ZNF415: variants seen among roughly 807,000 people sequenced by gnomAD.
The protein encoded by ZNF415 is zinc finger protein 415.
ZNF415 carries 5 observed loss-of-function variants against 7.3 expected under a neutral mutation model. That is an observed-to-expected ratio of 0.69 (90% CI 0.36 to 1.44). The LOEUF (loss-of-function observed/expected upper bound fraction) is 1.44. Ranked by LOEUF, ZNF415 falls within the 40% of genes most tolerant of loss-of-function variation. The pLI, the probability that ZNF415 is intolerant of heterozygous loss-of-function variation, is 0.04. For missense variants in ZNF415, 628 were observed against 664.8 expected, an observed-to-expected ratio of 0.94 and a Z score of 0.61; for synonymous variants, 207 against 226.3, an observed-to-expected ratio of 0.91 and a Z score of 0.77.
At chr19:53,112,497 T>TCAA (rs1555781195) in intron 3 of ZNF415, among the ~76,000 whole-genome samples, 3 of 152,146 alleles carry the variant, frequency 2.0e-5, no homozygotes, top group African/African-American at 7.2e-5. Context: ...GGTATCTGAG[T>TCAA]CATCACTTCC....
chr19:53,112,739 G>A (rs1183583545), intron 3 of ZNF415, among the ~76,000 whole-genome samples: 1 of 152,242 alleles, frequency 6.6e-6, no homozygotes, highest in East Asian at 1.9e-4. Flanking sequence ...GGGCATGTCA[G>A]AGGAAAATCT....
At chr19:53,120,510 GGCTTGAC>G (rs2087825117) in intron 2 of ZNF415, among the ~76,000 whole-genome samples, 1 of 152,046 alleles carries the variant, frequency 6.6e-6, no homozygotes, top group Admixed American at 6.5e-5. Context: ...GAGGGTGTAA[GGCTTGAC>G]AGGAAAAGGG....
intron 2 of ZNF415, among the ~76,000 whole-genome samples, chr19:53,119,054 G>A (rs897891579): frequency 6.6e-6 from 1 of 152,086 alleles, no homozygotes; most frequent in Non-Finnish European, 1.5e-5. Context: ...GCCAAGGCGG[G>A]CGGATCACGA....
At chr19:53,122,341 A>T in intron 2 of ZNF415, 2 of 1,488,464 alleles carry the variant, frequency 1.3e-6, no homozygotes, top group Non-Finnish European at 1.8e-6. Context: ...CCGACAGTGC[A>T]TCCAAATGTG....
At position 53,113,968 on chromosome 19, in the gene ZNF415, C is replaced by T. The variant is rs192005569; in HGVS notation, c.136+2345G>A. On this transcript the variant is annotated intron_variant, in intron 3 of 3. Transcript: ENST00000243643. ...TTTGTATCTTATATCCTGAGCCATG[C>T]TGACAATTCTGCTGAACGCTTTAAG... is the stretch of plus-strand genomic sequence containing the variant. Among the ~76,000 whole-genome samples the T allele has an allele frequency of 1.5e-3, 226 of 152,346 alleles. 1 individual carries two copies. The highest frequency in any genetic ancestry group is 5.1e-3 in the African/African-American group (213 of 41,580).
At chr19:53,115,411 C>T (rs537731865) in intron 3 of ZNF415, 32 of 411,918 alleles carry the variant, frequency 7.8e-5, no homozygotes, top group Non-Finnish European at 1.1e-4. Context: ...TGGCCCCTCC[C>T]GGACCCCTCA....
intron 1 of ZNF415, among the ~76,000 whole-genome samples, chr19:53,127,748 G>A (rs554807615): frequency 9.2e-5 from 14 of 151,874 alleles, no homozygotes; most frequent in African/African-American, 2.7e-4. Context: ...GTGGTGGCGC[G>A]TGCCTGTAGC....
intron 3 of ZNF415, chr19:53,115,374 C>T (rs1185096742): frequency 7.3e-6 from 2 of 272,900 alleles, no homozygotes; most frequent in Non-Finnish European, 1.4e-5. Context: ...ACAGGAGAGA[C>T]CACGGGAGAA....
At chr19:53,115,431 AG>A (rs2146331220) in intron 3 of ZNF415, 1 of 465,182 alleles carries the variant, frequency 2.1e-6, no homozygotes, top group African/African-American at 1.9e-5. Context: ...AGAGTGAAGG[AG>A]CCAGAGAGTT....
chr19:53,122,623 AGAGG>A, intron 2 of ZNF415, 35 bp downstream of exon 2: 2 of 1,613,410 alleles, frequency 1.2e-6, no homozygotes, highest in Non-Finnish European at 1.7e-6. Context: ...CTTTCTGAAA[AGAGG>A]GAGACAGAAT....
chr19:53,122,060 A>G lies in ZNF415; in HGVS notation c.15+602T>C, dbSNP rs540206325. The stretch of plus-strand genomic sequence containing the variant: ...TCTGGAGTTCGAGACCAGCCTGACC[A>G]ACATAGAGAAACCCCGTCTCTATTA... On this transcript the variant is annotated intron_variant, in intron 2 of 3. Coordinates refer to ENST00000243643, the MANE Select transcript of ZNF415 (RefSeq NM_018355.4). Among the ~76,000 whole-genome samples the G allele has an allele frequency of 3.3e-5, 5 of 151,758 alleles. No homozygotes were observed. The South Asian group carries it at 1.1e-3, about 32-fold the overall frequency.
chr19:53,129,585 G>A (rs1450101502), intron 1 of ZNF415: 7 of 400,346 alleles, frequency 1.7e-5, no homozygotes, highest in African/African-American at 1.4e-4. Flanking sequence ...TCACATTGAG[G>A]TTTTCTGGTC....
At chr19:53,119,142 T>C (rs543233316) in intron 2 of ZNF415, among the ~76,000 whole-genome samples, 101 of 151,254 alleles carry the variant, frequency 6.7e-4, no homozygotes, top group East Asian at 1.8e-3. Context: ...ATTAGCTGGG[T>C]GTGGTGGTGG....
chr19:53,132,391 C>T (rs1274752425), intron 1 of ZNF415, among the ~76,000 whole-genome samples: 2 of 152,070 alleles, frequency 1.3e-5, no homozygotes, highest in Non-Finnish European at 2.9e-5. Context: ...CAGGGGAGGC[C>T]TGGGGAGCAG....
At chr19:53,115,573 G>A in intron 3 of ZNF415, 1 of 698,764 alleles carries the variant, frequency 1.4e-6, no homozygotes, top group East Asian at 2.7e-5. Context: ...AGAAGTAGGG[G>A]AAGTTTAAAA....
chr19:53,120,699 GC>G (rs1480300526), intron 2 of ZNF415, among the ~76,000 whole-genome samples: 1 of 152,142 alleles, frequency 6.6e-6, no homozygotes, highest in African/African-American at 2.4e-5. Flanking sequence ...TGATGTCTGA[GC>G]AAAACTGTTA....
At chr19:53,109,994 G>A (rs2085999475) in intron 3 of ZNF415, 86 bp from the exon 4 acceptor site, 14 of 1,118,852 alleles carry the variant, frequency 1.3e-5, no homozygotes, top group Non-Finnish European at 1.2e-5. Flanking sequence ...TACACAAAAA[G>A]CAACATTTAT....
Position 53,109,759 on chromosome 19 carries a change from A to G in ZNF415, c.286T>C (p.Phe96Leu). Residue 96 changes from phenylalanine to leucine, a missense_variant, in exon 4 of 4, where the codon TTT becomes CTT. Phe to Leu is a conservative substitution (Grantham distance 22). Coordinates refer to ENST00000243643, the MANE Select transcript of ZNF415 (RefSeq NM_018355.4). Reference protein sequence around the residue: ...FREIKKKIHDFDCQWRDDERN... With the variant: ...FREIKKKIHDLDCQWRDDERN... ...TCATCATCTCTCCACTGACAGTCAA[A>G]GTCGTGTATTTTTTTCTTGATTTCC... 1 of 1,613,982 alleles carries G rather than the reference A, an allele frequency of 6.2e-7. No homozygotes were observed. The highest frequency in any genetic ancestry group is 8.5e-7 in the Non-Finnish European group (1 of 1,179,976).
chr19:53,108,680 T>G lies in ZNF415; in HGVS notation c.1365A>C (p.Leu455Phe). 1 of 1,614,194 alleles carries G rather than the reference T, an allele frequency of 6.2e-7. No homozygotes were observed. The highest frequency in any genetic ancestry group is 8.5e-7 in the Non-Finnish European group (1 of 1,180,038). The change falls in exon 4 of 4, where the codon TTA (leucine) becomes TTC (phenylalanine). Residue 455 changes from leucine to phenylalanine, a missense_variant. Transcript: ENST00000243643. ...CAGTATGGATGACCTGATGGGTAGT[T>G]AAGTTCGAATGCACACTAAAGGCTT... The part of the protein sequence containing the change: ...CGKAFSVHSN[L>F]TTHQVIHTGE...
Sources: allele counts gnomAD v4.1 joint callset (sites outside exome capture counted in the v4.1 genomes callset), GRCh38; gene constraint gnomAD v4.1.1; transcripts MANE v1.5; gene names NCBI Gene and HGNC (gene_info 2026-07-23, HGNC 2026-07-21).